Variants in SEMA3A observed in about 807,000 individuals in gnomAD.
The protein encoded by SEMA3A is semaphorin 3A, also known as semaphorin-3A.
SEMA3A carries 29 observed loss-of-function variants against 97.9 expected under a neutral mutation model. The observed-to-expected ratio is 0.30, with a 90% CI of 0.22 to 0.40. The LOEUF is 0.40. Among genes scored for constraint, SEMA3A ranks in the 10% least tolerant of loss-of-function variants. SEMA3A has a pLI of 1.00. For synonymous variants in SEMA3A, 321 were observed against 323.7 expected, an observed-to-expected ratio of 0.99 and a Z score of 0.09; for missense variants, 763 against 951.3, an observed-to-expected ratio of 0.80 and a Z score of 2.60.
intron 1 of SEMA3A, among the ~76,000 whole-genome samples, chr7:84,144,187 G>A (rs774247099): frequency 2.0e-5 from 3 of 151,838 alleles, no homozygotes; most frequent in Non-Finnish European, 4.4e-5. Context: ...AAAGTGAGGT[G>A]TGTTCACAGA....
chr7:84,199,987 G>A (rs1213821935), upstream of SEMA3A, among the ~76,000 whole-genome samples: 1 of 152,014 alleles, frequency 6.6e-6, no homozygotes, highest in African/African-American at 2.4e-5. Flanking sequence ...CATGAGTTGA[G>A]AGAAGGAATT....
intron 4 of SEMA3A, among the ~76,000 whole-genome samples, chr7:84,064,967 A>G (rs1445460270): frequency 1.3e-5 from 2 of 152,232 alleles, no homozygotes; most frequent in African/African-American, 4.8e-5. Context: ...CAGAATATAC[A>G]TTTTTTCGGC....
chr7:84,414,842 T>C (rs1486204152), intron 1 of SEMA3A, among the ~76,000 whole-genome samples: 3 of 151,810 alleles, frequency 2.0e-5, no homozygotes, highest in African/African-American at 7.3e-5. Context: ...AATAATCAAA[T>C]AAATAAACGA....
intron 10 of SEMA3A, 54 bp downstream of exon 10, chr7:84,007,299 T>C: frequency 6.9e-7 from 1 of 1,454,804 alleles, no homozygotes; most frequent in South Asian, 1.4e-5. Context: ...CATTGTTTTT[T>C]GACCTTTGGC....
At chr7:84,091,172 GAAAGAAAGAAAGAAAGAAAGAAA>G (rs1794572353) in intron 4 of SEMA3A, among the ~76,000 whole-genome samples, 1 of 36,566 alleles carries the variant, frequency 2.7e-5, no homozygotes, top group African/African-American at 7.7e-5. Flanking sequence ...AGGAAGGAAA[GAAAGAAAGAAAGAAAGAAAGAAA>G]GAAAGAAAGA....
chr7:84,467,865 G>A (rs1051748303), intron 1 of SEMA3A, among the ~76,000 whole-genome samples: 7 of 152,100 alleles, frequency 4.6e-5, no homozygotes, highest in African/African-American at 1.4e-4. Context: ...CCTTCAACAT[G>A]CCTGTGTATA....
At chr7:84,104,049 G>C (rs1018015258) in intron 4 of SEMA3A, among the ~76,000 whole-genome samples, 4 of 151,964 alleles carry the variant, frequency 2.6e-5, no homozygotes, top group Non-Finnish European at 5.9e-5. Flanking sequence ...AAATGTAAAA[G>C]CTTTGATCCA....
intron 6 of SEMA3A, among the ~76,000 whole-genome samples, chr7:84,041,708 G>C (rs759403453): frequency 2.0e-4 from 30 of 151,952 alleles, no homozygotes; most frequent in Non-Finnish European, 3.4e-4. Context: ...AAAACTAAGA[G>C]GACCTTTGTT....
At position 84,365,752 on chromosome 7, in the gene SEMA3A, A is replaced by G. The variant is rs1163403727; in HGVS notation, c.-169+6072T>C. 2.0e-5 allele frequency among the ~76,000 whole-genome samples: 3 copies of G among 151,422 alleles called. No homozygotes were observed. The Admixed American group carries it at 2.0e-4, about 10-fold the overall frequency. On this transcript the variant is annotated intron_variant, in intron 2 of 3. Coordinates refer to the SEMA3A transcript ENST00000424555. ...TAGTCTTAAGTGAATTTTTATGTTT[A>G]ACATATTTCTATTTACAACCAAATC...
chr7:84,285,701 C>A (rs1179721261), intron 3 of SEMA3A, among the ~76,000 whole-genome samples: 1 of 152,024 alleles, frequency 6.6e-6, no homozygotes, highest in Non-Finnish European at 1.5e-5. Flanking sequence ...ATTCCCAGCA[C>A]TTTGGAAGAC....
intron 1 of SEMA3A, among the ~76,000 whole-genome samples, chr7:84,161,099 C>T (rs1460689341): frequency 6.6e-6 from 1 of 152,016 alleles, no homozygotes; most frequent in African/African-American, 2.4e-5. Flanking sequence ...GGCGTGGTGT[C>T]TCATGCCTGT....
chr7:84,357,820 T>A (rs1282216640), intron 2 of SEMA3A, among the ~76,000 whole-genome samples: 1 of 151,832 alleles, frequency 6.6e-6, no homozygotes, highest in Non-Finnish European at 1.5e-5. Context: ...TTTTTAATGA[T>A]CGCCATTTTA....
intron 3 of SEMA3A, among the ~76,000 whole-genome samples, chr7:84,277,182 G>A (rs1363901367): frequency 2.0e-5 from 3 of 152,000 alleles, no homozygotes; most frequent in South Asian, 2.1e-4. Context: ...CAATAACAAA[G>A]GCCTTTTAAT....
chr7:84,365,162 C>T (rs1256734060), intron 2 of SEMA3A, among the ~76,000 whole-genome samples: 2 of 151,304 alleles, frequency 1.3e-5, no homozygotes. Flanking sequence ...GGGGTTTATG[C>T]CACAGGAAAA....
chr7:84,415,277 C>G lies in SEMA3A; in HGVS notation c.-245-43377G>C, dbSNP rs184564372. 1.7e-3 allele frequency among the ~76,000 whole-genome samples: 253 copies of G among 152,096 alleles called. 2 individuals are homozygous for G. The highest frequency in any genetic ancestry group is 5.7e-3 in the African/African-American group (238 of 41,522). On this transcript the variant is annotated intron_variant, in intron 1 of 3. Coordinates refer to the SEMA3A transcript ENST00000424555. ...AATTTCATAAATCTGTTATAAAATA[C>G]ATCAGTCAATAGAAAATTTACCAAA...
chr7:84,023,229 G>C (rs888531777), intron 6 of SEMA3A, among the ~76,000 whole-genome samples: 1 of 152,132 alleles, frequency 6.6e-6, no homozygotes, highest in Non-Finnish European at 1.5e-5. Flanking sequence ...TTGGCAGCTT[G>C]AGCTTATTTA....
intron 6 of SEMA3A, among the ~76,000 whole-genome samples, chr7:84,026,469 A>G (rs1399901567): frequency 6.6e-6 from 1 of 152,184 alleles, no homozygotes; most frequent in African/African-American, 2.4e-5. Flanking sequence ...TTGAACTACC[A>G]TGCAACCCAG....
upstream of SEMA3A, among the ~76,000 whole-genome samples, chr7:84,199,575 T>C (rs1046763127): frequency 4.6e-5 from 7 of 152,146 alleles, no homozygotes; most frequent in African/African-American, 1.7e-4. Flanking sequence ...CGTTTTTTTT[T>C]TTCTTCAAGG....
At chr7:83,996,721 A>G (rs1790238461) in intron 12 of SEMA3A, among the ~76,000 whole-genome samples, 3 of 152,218 alleles carry the variant, frequency 2.0e-5, no homozygotes, top group South Asian at 4.1e-4. Flanking sequence ...TGAGAATCAC[A>G]TAATAAATAC....
Sources: allele counts gnomAD v4.1 joint callset (sites outside exome capture counted in the v4.1 genomes callset), GRCh38; gene constraint gnomAD v4.1.1; transcripts MANE v1.5; gene names NCBI Gene and HGNC (gene_info 2026-07-23, HGNC 2026-07-21).